CNBD1: variants seen among roughly 807,000 people sequenced by gnomAD.
The protein encoded by CNBD1 is cyclic nucleotide binding domain containing 1, also known as cyclic nucleotide-binding domain-containing protein 1.
CNBD1 carries 71 observed loss-of-function variants against 54.4 expected under a neutral mutation model. The observed-to-expected ratio is 1.30, with a 90% CI of 1.08 to 1.59. The LOEUF is 1.59. CNBD1 is among the 40% of genes most tolerant of loss of function. The pLI is 0.00. For synonymous variants in CNBD1, 182 were observed against 170.7 expected (o/e 1.07, Z -0.51); for missense variants, 659 against 518.0 (o/e 1.27, Z -2.64).
At chr8:87,095,942 G>A (rs1811310754) in intron 4 of CNBD1, among the ~76,000 whole-genome samples, 1 of 152,206 alleles carries the variant, frequency 6.6e-6, no homozygotes, top group Non-Finnish European at 1.5e-5. Flanking sequence ...ACAGGCATGA[G>A]CCACAACGCC....
At chr8:87,394,296 A>T (rs1031391444) in intron 2 of CNBD1, among the ~76,000 whole-genome samples, 10 of 151,968 alleles carry the variant, frequency 6.6e-5, no homozygotes, top group African/African-American at 2.4e-4. Context: ...ATCATAATGC[A>T]TGCACAGGTG....
chr8:87,339,540 G>A lies in CNBD1; in HGVS notation c.1043-12145G>A, dbSNP rs114219350. Among the ~76,000 whole-genome samples the A allele has an allele frequency of 3.9e-3, 588 of 152,106 alleles. 8 individuals are homozygous for A. The highest frequency in any genetic ancestry group is 0.013 in the African/African-American group (559 of 41,488). On this transcript the variant is annotated intron_variant, in intron 8 of 10. Transcript: ENST00000518476. ...AGTTGCTGATATTTCAGTTTGTTCA[G>A]CATTTTGCTTGTTATTAAGATGAAG...
chr8:87,095,736 A>C (rs149608858), intron 4 of CNBD1, among the ~76,000 whole-genome samples: 2,048 of 152,138 alleles, frequency 0.013, 46 homozygotes, highest in African/African-American at 0.043. Flanking sequence ...CGGCTCACTG[A>C]AAGCTCTGCC....
intron 4 of CNBD1, among the ~76,000 whole-genome samples, chr8:87,090,126 G>C (rs1260175891): frequency 6.6e-6 from 1 of 152,114 alleles, no homozygotes; most frequent in Non-Finnish European, 1.5e-5. Flanking sequence ...CAGTTCATAA[G>C]TGAGGAGGAT....
chr8:87,224,402 C>T (rs1022168381), intron 5 of CNBD1, among the ~76,000 whole-genome samples: 17 of 151,586 alleles, frequency 1.1e-4, no homozygotes, highest in Non-Finnish European at 2.2e-4. Context: ...TTTAATCCAT[C>T]TTGAATTGAT....
intron 4 of CNBD1, among the ~76,000 whole-genome samples, chr8:87,022,193 C>G (rs114920586): frequency 1.3e-5 from 2 of 152,100 alleles, no homozygotes; most frequent in Admixed American, 6.5e-5. Context: ...AAGGAAGCAA[C>G]GGGCAACACA....
chr8:87,235,095 C>G (rs1189645613), intron 5 of CNBD1, among the ~76,000 whole-genome samples: 1 of 152,196 alleles, frequency 6.6e-6, no homozygotes, highest in Non-Finnish European at 1.5e-5. Flanking sequence ...GGAGCTTCCT[C>G]ACCCTCTCTT....
At chr8:87,415,797 A>G (rs1443344968) in intron 2 of CNBD1, among the ~76,000 whole-genome samples, 1 of 151,996 alleles carries the variant, frequency 6.6e-6, no homozygotes, top group African/African-American at 2.4e-5. Flanking sequence ...TATATAAATT[A>G]TCAAACGGGA....
chr8:87,046,885 A>G (rs1481791168), intron 4 of CNBD1, among the ~76,000 whole-genome samples: 1 of 152,150 alleles, frequency 6.6e-6, no homozygotes, highest in African/African-American at 2.4e-5. Context: ...ACTAGTATCA[A>G]ATATCTTACA....
At chr8:87,121,358 CTT>C (rs888164244) in intron 4 of CNBD1, among the ~76,000 whole-genome samples, 3 of 151,416 alleles carry the variant, frequency 2.0e-5, no homozygotes, top group African/African-American at 7.3e-5. Context: ...ATTTAGCACT[CTT>C]AAATAAAAAT....
At position 87,411,912 on chromosome 8, in the gene CNBD1, T is replaced by A. The variant is rs149255154; in HGVS notation, c.214-16634T>A. Among the ~76,000 whole-genome samples the A allele has an allele frequency of 3.3e-5, 5 of 152,084 alleles. No homozygotes were observed. The East Asian group carries it at 9.7e-4, about 29-fold the overall frequency. On this transcript the variant is annotated intron_variant, in intron 2 of 7. Transcript: ENST00000521593. ...ATTATTGTTTAAACAGTAAGCAATT[T>A]GTTTAAAAAAGTTTTGCTTGTACGG...
chr8:86,874,976 G>C (rs987368857), intron 1 of CNBD1, among the ~76,000 whole-genome samples: 1 of 108,696 alleles, frequency 9.2e-6, no homozygotes, highest in Non-Finnish European at 1.9e-5. Flanking sequence ...ATATTTGTTT[G>C]TAAATCAATT....
chr8:86,941,492 G>C (rs761762330), intron 4 of CNBD1, among the ~76,000 whole-genome samples: 1 of 152,172 alleles, frequency 6.6e-6, no homozygotes, highest in Non-Finnish European at 1.5e-5. Context: ...GTGCTGGGCT[G>C]TAAGAGTTTT....
At chr8:87,404,513 C>T (rs1033889935) in intron 2 of CNBD1, among the ~76,000 whole-genome samples, 1 of 152,056 alleles carries the variant, frequency 6.6e-6, no homozygotes, top group South Asian at 2.1e-4. Context: ...TTTGCAAGGA[C>T]TAGTTATTTT....
chr8:87,334,939 T>C (rs1445262593), intron 8 of CNBD1, among the ~76,000 whole-genome samples: 3 of 151,940 alleles, frequency 2.0e-5, no homozygotes, highest in Non-Finnish European at 2.9e-5. Context: ...TTGGCCAGGA[T>C]GGTCTCAGTC....
At chr8:87,281,371 C>G (rs1304773119) in intron 6 of CNBD1, among the ~76,000 whole-genome samples, 1 of 151,018 alleles carries the variant, frequency 6.6e-6, no homozygotes, top group Admixed American at 6.6e-5. Context: ...ACATATGAAC[C>G]ATATCAGCCT....
chr8:86,980,660 T>C (rs554448884), intron 4 of CNBD1, among the ~76,000 whole-genome samples: 1 of 152,324 alleles, frequency 6.6e-6, no homozygotes, highest in Non-Finnish European at 1.5e-5. Context: ...AGGAAGCAAA[T>C]TATTTGCTGT....
At position 86,999,579 on chromosome 8, in the gene CNBD1, C is replaced by T. The variant is rs73689987; in HGVS notation, c.431+59825C>T. Among the ~76,000 whole-genome samples, 1,006 of 151,718 alleles carry T rather than the reference C, an allele frequency of 6.6e-3. 13 individuals carry two copies. The highest frequency in any genetic ancestry group is 0.023 in the African/African-American group (945 of 41,338). The stretch of plus-strand genomic sequence containing the variant: ...AAGTCTTTTATTTCAAAGGGCAGTA[C>T]TTCCCAAAGTAGTTTAATCTCTTTC... On this transcript the variant is annotated intron_variant, in intron 4 of 10. Transcript: ENST00000518476.
intron 6 of CNBD1, among the ~76,000 whole-genome samples, chr8:87,269,263 C>G (rs1808318613): frequency 6.6e-6 from 1 of 152,034 alleles, no homozygotes; most frequent in South Asian, 2.1e-4. Context: ...ATTTTCTATC[C>G]TGTTCCATTG....
Sources: gnomAD v4.1 joint callset for allele counts (sites outside exome capture counted in the v4.1 genomes callset) on GRCh38, gnomAD v4.1.1 for gene constraint, MANE v1.5 for transcripts, NCBI Gene and HGNC (gene_info 2026-07-23, HGNC 2026-07-21) for gene names.